Variants in CNTN5 observed in about 807,000 individuals in gnomAD.
CNTN5 encodes contactin-5.
A neutral mutation model predicts 129.1 loss-of-function variants in CNTN5; 77 were observed. The ratio of observed to expected loss-of-function variants is 0.60; its 90% CI spans 0.50 to 0.72. The LOEUF (loss-of-function observed/expected upper bound fraction) is 0.72, where lower values mean the gene tolerates loss of function less well. Ranked by LOEUF, CNTN5 falls within the 30% of genes least tolerant of loss-of-function variation. CNTN5 has a pLI of 0.00. For synonymous variants in CNTN5, 509 were observed against 465.6 expected (o/e 1.09, Z -1.20); for missense variants, 1,478 against 1,328.8 (o/e 1.11, Z -1.75).
chr11:99,904,496 AT>A (rs149724641), intron 6 of CNTN5, among the ~76,000 whole-genome samples: 18,694 of 152,176 alleles, frequency 0.12, 1,478 homozygotes, highest in Middle Eastern at 0.19. Flanking sequence ...GCTGCATAGT[AT>A]TCCATGGGGT....
At chr11:100,058,362 T>C (rs556416620) in intron 9 of CNTN5, among the ~76,000 whole-genome samples, 1 of 152,144 alleles carries the variant, frequency 6.6e-6, no homozygotes, top group South Asian at 2.1e-4. Flanking sequence ...TATTCTGGCT[T>C]GTTTACCAAG....
chr11:99,904,783 C>T (rs1282681248), intron 6 of CNTN5, among the ~76,000 whole-genome samples: 2 of 152,178 alleles, frequency 1.3e-5, no homozygotes, highest in East Asian at 3.9e-4. Flanking sequence ...TCCAATTTCT[C>T]CACATCCTCT....
rs375513673 is a variant in CNTN5, at chr11:100,135,377, A to G, written c.1581-55749A>G. Among the ~76,000 whole-genome samples, 59 of 152,014 alleles carry G rather than the reference A, an allele frequency of 3.9e-4. 1 individual carries two copies. The South Asian group carries it at 0.012, about 30-fold the overall frequency. On this transcript the variant is annotated intron_variant, in intron 13 of 24. Coordinates refer to ENST00000524871, the MANE Select transcript of CNTN5 (RefSeq NM_014361.4). Reference sequence around the variant, plus strand: ...TTTTTAGTAGAGATGGGGTTTCACCATTTTAACCAGGATGGTCTCGATCTC... The same window carrying G: ...TTTTTAGTAGAGATGGGGTTTCACCGTTTTAACCAGGATGGTCTCGATCTC...
At chr11:99,765,218 A>G (rs1003836384) in intron 3 of CNTN5, among the ~76,000 whole-genome samples, 2 of 152,076 alleles carry the variant, frequency 1.3e-5, no homozygotes, top group African/African-American at 2.4e-5. Context: ...TGGGATATAA[A>G]GTATATTCAA....
intron 3 of CNTN5, among the ~76,000 whole-genome samples, chr11:99,741,970 T>A (rs1004470887): frequency 6.6e-6 from 1 of 152,114 alleles, no homozygotes; most frequent in Non-Finnish European, 1.5e-5. Flanking sequence ...AAGAAAAGTA[T>A]CTTAATTTCA....
chr11:99,463,437 C>G (rs1454715912), intron 2 of CNTN5, among the ~76,000 whole-genome samples: 1 of 6,448 alleles, frequency 1.6e-4, no homozygotes, highest in Non-Finnish European at 5.0e-4. Flanking sequence ...GACTCTGTCT[C>G]AAAAAGAAAA....
In CNTN5 at chr11:99,047,420, G is replaced by A. The variant is rs138880403; in HGVS notation, c.-210+26150G>A. Among the ~76,000 whole-genome samples, 1,473 of 150,816 alleles carry A rather than the reference G, an allele frequency of 9.8e-3. 11 individuals carry two copies. Among genetic ancestry groups the A allele is most frequent in the African/African-American group, 0.018 (721 of 41,186 alleles). ...AACCAAAAAAGTGTATGTGTATGGC[G>A]TGTGTCTTTCAAAATAAGGGCATTT... is the stretch of plus-strand genomic sequence containing the variant. On this transcript the variant is annotated intron_variant, in intron 1 of 24. Coordinates refer to ENST00000524871, the MANE Select transcript of CNTN5 (RefSeq NM_014361.4).
In CNTN5 at chr11:99,956,883, A is replaced by G. The variant is rs767375808; in HGVS notation, c.751A>G (p.Thr251Ala). The change falls in exon 8 of 25, where the codon ACA becomes GCA. Residue 251 changes from threonine to alanine, a missense_variant. Physicochemically the swap from Thr to Ala is moderately conservative, Grantham distance 58. Transcript: ENST00000524871. ...CAGCCGGCGGTTCATCTCCCAGGAG[A>G]CAGGCAACCTTTATATTTCTAAAGT... ...EDSRRFISQE[T>A]GNLYISKVQT... The G allele has an allele frequency of 1.2e-6, 2 of 1,613,864 alleles. No individual in the cohort carries two copies. Among genetic ancestry groups the G allele is most frequent in the Non-Finnish European group, 1.7e-6 (2 of 1,179,850 alleles).
At chr11:99,866,821 G>A (rs1294230748) in intron 6 of CNTN5, among the ~76,000 whole-genome samples, 1 of 152,088 alleles carries the variant, frequency 6.6e-6, no homozygotes, top group Non-Finnish European at 1.5e-5. Context: ...CCTCCCTTGT[G>A]GTCATTTCTC....
intron 1 of CNTN5, among the ~76,000 whole-genome samples, chr11:99,077,543 C>T (rs76607426): frequency 0.039 from 5,879 of 152,236 alleles, 238 homozygotes; most frequent in African/African-American, 0.1. Context: ...AAATTCTTAT[C>T]TGTAATTTTA....
intron 17 of CNTN5, among the ~76,000 whole-genome samples, chr11:100,260,599 G>A (rs1179741749): frequency 6.6e-6 from 1 of 152,188 alleles, no homozygotes; most frequent in Non-Finnish European, 1.5e-5. Flanking sequence ...TATCCAAAAT[G>A]ATCAAGTCAG....
At chr11:99,756,114 T>TA (rs1944396088) in intron 3 of CNTN5, among the ~76,000 whole-genome samples, 1 of 152,150 alleles carries the variant, frequency 6.6e-6, no homozygotes, top group Non-Finnish European at 1.5e-5. Context: ...GGTTGTCTAT[T>TA]AAAGTATGAG....
At chr11:100,077,174 A>G (rs1196983849) in intron 13 of CNTN5, among the ~76,000 whole-genome samples, 1 of 152,210 alleles carries the variant, frequency 6.6e-6, no homozygotes, top group Non-Finnish European at 1.5e-5. Context: ...AGCTCTAAAT[A>G]TAAATTTAAA....
At chr11:99,425,563 C>T (rs1943082719) in intron 2 of CNTN5, among the ~76,000 whole-genome samples, 1 of 152,248 alleles carries the variant, frequency 6.6e-6, no homozygotes, top group Admixed American at 6.5e-5. Context: ...CAAATGTGTG[C>T]ACACTCCCTG....
intron 21 of CNTN5, among the ~76,000 whole-genome samples, chr11:100,320,954 CTA>C (rs1310664054): frequency 6.6e-6 from 1 of 152,122 alleles, no homozygotes; most frequent in Non-Finnish European, 1.5e-5. Flanking sequence ...GTTTTTGTTA[CTA>C]TAGCTTTGCA....
At chr11:99,772,494 G>T (rs948560101) in intron 3 of CNTN5, among the ~76,000 whole-genome samples, 17 of 151,940 alleles carry the variant, frequency 1.1e-4, no homozygotes, top group African/African-American at 3.9e-4. Flanking sequence ...GATTTTTAGG[G>T]TTGATTCACT....
At chr11:99,164,314 C>T (rs923545407) in intron 1 of CNTN5, among the ~76,000 whole-genome samples, 2 of 137,106 alleles carry the variant, frequency 1.5e-5, no homozygotes, top group Non-Finnish European at 3.1e-5. Context: ...GAGAGCAACA[C>T]TCCATCTCAA....
intron 1 of CNTN5, among the ~76,000 whole-genome samples, chr11:99,241,949 A>T (rs1013796802): frequency 6.6e-6 from 1 of 151,918 alleles, no homozygotes; most frequent in Non-Finnish European, 1.5e-5. Context: ...CACACACACA[A>T]TTTATCTTTA....
rs1565642688 is a variant in CNTN5, at chr11:99,889,323, TGTG to T, written c.578-26730_578-26728del. On this transcript the variant is annotated intron_variant, in intron 6 of 24. Transcript: ENST00000524871. ...GTGTGTGTGTGTGTGTGTGTGTGTG[TGTG>T]TGTGTGTGTGTGTGTGTGTGTGTGT... Among the ~76,000 whole-genome samples the T allele has an allele frequency of 9.5e-4, 137 of 144,500 alleles. 2 individuals carry two copies. Among genetic ancestry groups the T allele is most frequent in the Non-Finnish European group, 1.6e-3 (104 of 66,102 alleles). 94.8% of individuals were successfully genotyped at this position (144,500 alleles called of 152,430 possible). A position where few individuals can be genotyped will look rare whatever the true frequency, so the allele number is the denominator to read the frequency against.
Sources: allele counts gnomAD v4.1 joint callset (sites outside exome capture counted in the v4.1 genomes callset), GRCh38; gene constraint gnomAD v4.1.1; transcripts MANE v1.5; gene names NCBI Gene and HGNC (gene_info 2026-07-23, HGNC 2026-07-21).